The following DCDC1 variants were observed in gnomAD, a reference collection of about 807,000 sequenced individuals.
The protein encoded by DCDC1 is doublecortin domain-containing protein 1.
DCDC1 carries 200 observed loss-of-function variants against 178.3 expected under a neutral mutation model. The observed-to-expected ratio is 1.12, with a 90% confidence interval of 1.00 to 1.26. DCDC1 has a LOEUF of 1.26. Ranked by LOEUF, DCDC1 falls within the 50% of genes most tolerant of loss-of-function variation. The probability of loss-of-function intolerance (pLI) is 0.00; values close to 1 mark genes in which losing one functional copy is unlikely to be tolerated. For missense variants in DCDC1, 1,983 were observed against 1,749.2 expected (o/e 1.13, Z -2.38); for synonymous variants, 690 against 604.8 (o/e 1.14, Z -2.07).
Position 31,305,725 on chromosome 11 carries a change from A to G in DCDC1, c.644T>C (p.Val215Ala), listed in dbSNP as rs773992325. The G allele has an allele frequency of 1.2e-6, 2 of 1,613,512 alleles. No individual in the cohort carries two copies. The highest frequency in any genetic ancestry group is 2.7e-5 in the African/African-American group (2 of 74,830). Residue 215 changes from valine (V) to alanine (A), a missense_variant, in exon 6 of 39, where the codon GTG becomes GCG. Val to Ala is a moderately conservative substitution (Grantham distance 64). Coordinates refer to ENST00000684477, the MANE Select transcript of DCDC1 (RefSeq NM_001387274.1). ...KLNLNMAARRVFLADGKEALE... is the reference protein window; with the variant it reads ...KLNLNMAARRAFLADGKEALE... ...GGCTTCCTTGCCGTCTGCCAAGAACACTCGTCTTGCGGCCATGTTCAGATT... is the reference window on the plus strand; with the variant it reads ...GGCTTCCTTGCCGTCTGCCAAGAACGCTCGTCTTGCGGCCATGTTCAGATT...
chr11:31,162,081 T>C (rs901776317), intron 9 of DCDC1, among the ~76,000 whole-genome samples: 1 of 152,188 alleles, frequency 6.6e-6, no homozygotes, highest in Non-Finnish European at 1.5e-5. Flanking sequence ...TCTCATGTTT[T>C]GGTATATAAG....
Position 31,307,783 on chromosome 11 carries a change from C to A in DCDC1, c.290G>T (p.Cys97Phe). The A allele has an allele frequency of 6.2e-7, 1 of 1,614,068 alleles. No homozygotes were observed. Among genetic ancestry groups the A allele is most frequent in the Non-Finnish European group, 8.5e-7 (1 of 1,179,986 alleles). Residue 97 changes from cysteine (C) to phenylalanine (F), a missense_variant, in exon 4 of 39, where the codon TGC (cysteine) becomes TTC (phenylalanine). Coordinates refer to ENST00000684477, the MANE Select transcript of DCDC1 (RefSeq NM_001387274.1). ...AVSEGSGLQD[C>F]STHQTASDHS... ...ATCTGATGCTGTTTGATGTGTGGAG[C>A]AATCTTGAAGTCCTGACCCTTCTGA...
chr11:30,913,550 G>A (rs1030897042), intron 27 of DCDC1, among the ~76,000 whole-genome samples: 1 of 152,122 alleles, frequency 6.6e-6, no homozygotes, highest in Non-Finnish European at 1.5e-5. Context: ...TTCCAATGAC[G>A]GATCAACCAA....
intron 9 of DCDC1, chr11:31,155,844 C>T (rs570109448): frequency 1.3e-5 from 2 of 152,278 alleles, no homozygotes; most frequent in African/African-American, 4.8e-5. Flanking sequence ...AGAGTCACCT[C>T]GTCCACAATA....
At chr11:31,243,968 A>G (rs1977507650) in intron 8 of DCDC1, among the ~76,000 whole-genome samples, 2 of 151,788 alleles carry the variant, frequency 1.3e-5, no homozygotes, top group South Asian at 4.1e-4. Flanking sequence ...CTTTCTTTTT[A>G]GAAGCTGCAA....
chr11:30,934,779 G>C (rs1211940851), intron 21 of DCDC1, among the ~76,000 whole-genome samples: 1 of 152,174 alleles, frequency 6.6e-6, no homozygotes, highest in East Asian at 1.9e-4. Context: ...ACATGTAACA[G>C]TTACTCTTGT....
intron 2 of DCDC1, among the ~76,000 whole-genome samples, chr11:31,333,533 T>C (rs1386041004): frequency 6.6e-6 from 1 of 152,214 alleles, no homozygotes; most frequent in Admixed American, 6.5e-5. Context: ...TTTCTTTACA[T>C]GTTTAGTGCT....
At position 31,194,413 on chromosome 11, in the gene DCDC1, T is replaced by A. The variant is rs140223780; in HGVS notation, c.1221+47037A>T. ...GTCTACATACTCATTTTGGAAAATT[T>A]AGAAAATATGGACAAGGATAGAAAA... On this transcript the variant is annotated intron_variant, in intron 9 of 38. Transcript: ENST00000684477. Among the ~76,000 whole-genome samples the A allele has an allele frequency of 6.0e-3, 915 of 152,222 alleles. 12 individuals are homozygous for A. Among genetic ancestry groups the A allele is most frequent in the African/African-American group, 0.021 (880 of 41,544 alleles).
intron 33 of DCDC1, 103 bp downstream of exon 33, chr11:30,900,243 T>C (rs555812486): frequency 9.6e-7 from 1 of 1,038,418 alleles, no homozygotes; most frequent in South Asian, 2.9e-5. Flanking sequence ...TGTTATTATG[T>C]TGATATTATA....
chr11:31,354,701 T>C (rs978657132), intron 1 of DCDC1, among the ~76,000 whole-genome samples: 3 of 152,150 alleles, frequency 2.0e-5, no homozygotes, highest in African/African-American at 7.2e-5. Context: ...TTCAGTAGGA[T>C]AGGGAAAAAT....
chr11:31,000,218 C>T lies in DCDC1; in HGVS notation c.2592-47650G>A, dbSNP rs746934390. 2.6e-5 allele frequency among the ~76,000 whole-genome samples: 4 copies of T among 152,254 alleles called. No individual in the cohort carries two copies. The South Asian group carries it at 8.3e-4, about 32-fold the overall frequency. ...TAAATTATAAATCCATTCATTCAAG[C>T]GTCACAATGCCCTATATCAAATGAA... On this transcript the variant is annotated intron_variant, in intron 20 of 38. Coordinates refer to ENST00000684477, the MANE Select transcript of DCDC1 (RefSeq NM_001387274.1).
At chr11:30,992,567 C>T (rs535159394) in intron 20 of DCDC1, 2 of 152,238 alleles carry the variant, frequency 1.3e-5, no homozygotes, top group African/African-American at 4.8e-5. Flanking sequence ...CTGGTGCCCC[C>T]ACAACCTGGC....
At chr11:31,149,928 G>A (rs1361948202) in intron 9 of DCDC1, among the ~76,000 whole-genome samples, 7 of 152,124 alleles carry the variant, frequency 4.6e-5, no homozygotes, top group Non-Finnish European at 5.9e-5. Context: ...GAACCCACCC[G>A]AAGGAATAAA....
chr11:30,969,877 T>G (rs779892487), intron 20 of DCDC1, among the ~76,000 whole-genome samples: 2 of 152,212 alleles, frequency 1.3e-5, no homozygotes, highest in African/African-American at 2.4e-5. Flanking sequence ...TTTTAGTAAC[T>G]GCATAAAAGT....
At chr11:31,110,419 A>C (rs1418848781) in intron 11 of DCDC1, 58 bp from the exon 12 acceptor site, 14 of 651,062 alleles carry the variant, frequency 2.2e-5, no homozygotes, top group Middle Eastern at 6.4e-4. Context: ...ACATACATAT[A>C]TTCATACATA....
At chr11:30,896,958 A>C (rs1488411853) in intron 34 of DCDC1, among the ~76,000 whole-genome samples, 1 of 152,236 alleles carries the variant, frequency 6.6e-6, no homozygotes, top group Non-Finnish European at 1.5e-5. Flanking sequence ...AATATAGAAT[A>C]GCTGATTTAG....
intron 38 of DCDC1, among the ~76,000 whole-genome samples, chr11:30,866,076 T>G (rs1234011563): frequency 6.6e-6 from 1 of 152,114 alleles, no homozygotes; most frequent in Non-Finnish European, 1.5e-5. Flanking sequence ...GGGCCCCTAA[T>G]CCAGTATCAC....
At chr11:31,151,684 C>T (rs947389445) in intron 9 of DCDC1, among the ~76,000 whole-genome samples, 6 of 152,174 alleles carry the variant, frequency 3.9e-5, no homozygotes, top group Non-Finnish European at 7.4e-5. Flanking sequence ...AATATAGGTA[C>T]ATGTAAAGTA....
intron 20 of DCDC1, among the ~76,000 whole-genome samples, chr11:31,004,901 T>A (rs754842947): frequency 2.0e-5 from 3 of 152,082 alleles, no homozygotes; most frequent in African/African-American, 7.2e-5. Flanking sequence ...TAGAAGAACA[T>A]TTAGTAAGAA....
Sources: gnomAD v4.1 joint callset for allele counts (sites outside exome capture counted in the v4.1 genomes callset) on GRCh38, gnomAD v4.1.1 for gene constraint, MANE v1.5 for transcripts, NCBI Gene and HGNC (gene_info 2026-07-23, HGNC 2026-07-21) for gene names.